The following OPRK1 variants were observed in gnomAD, a reference collection of about 807,000 sequenced individuals.
The protein encoded by OPRK1 is kappa-type opioid receptor.
In OPRK1, 15 loss-of-function variants were observed where a neutral mutation model predicts 24.5. The observed-to-expected ratio is 0.61, with a 90% confidence interval of 0.41 to 0.94. The LOEUF (loss-of-function observed/expected upper bound fraction) is 0.94, where lower values mean the gene tolerates loss of function less well. Ranked by LOEUF, OPRK1 falls within the 40% of genes least tolerant of loss-of-function variation. OPRK1 has a pLI of 0.00. For synonymous variants in OPRK1, 205 were observed against 198.0 expected, an observed-to-expected ratio of 1.04 and a Z score of -0.30; for missense variants, 479 against 507.3, an observed-to-expected ratio of 0.94 and a Z score of 0.54.
chr8:53,234,896 A>C lies in OPRK1; in HGVS notation c.473T>G (p.Ile158Ser). The C allele has an allele frequency of 6.2e-7, 1 of 1,614,214 alleles. No homozygotes were observed. The highest frequency in any genetic ancestry group is 8.5e-7 in the Non-Finnish European group (1 of 1,180,048). ...AGCCTTCACGGGGTGGCACACGGCAATGTAGCGGTCCACGCTCATCATGGT... is the reference window on the plus strand; with the variant it reads ...AGCCTTCACGGGGTGGCACACGGCACTGTAGCGGTCCACGCTCATCATGGT... ...TLTMMSVDRY[I>S]AVCHPVKALD... is the part of the protein sequence containing the mutation. Residue 158 changes from isoleucine (I) to serine (S), a missense_variant, in exon 3 of 4, where the codon ATT becomes AGT. Ile to Ser is a moderately radical substitution (Grantham distance 142). Coordinates refer to ENST00000265572, the MANE Select transcript of OPRK1 (RefSeq NM_000912.5).
intron 2 of OPRK1, among the ~76,000 whole-genome samples, chr8:53,237,577 ACTGGT>A (rs1807024034): frequency 6.6e-6 from 1 of 152,188 alleles, no homozygotes; most frequent in Non-Finnish European, 1.5e-5. Context: ...TGTGGTAGGT[ACTGGT>A]ATCCTTATTC....
Position 53,250,096 on chromosome 8 carries a change from CACACAA to C in OPRK1, c.257+679_257+684del, listed in dbSNP as rs1807335514. Reference sequence around the variant, plus strand: ...ACACACACACACACACACACACACACACACAAATAAAACCTTCAATTTCTCATGGTG... The same window carrying C: ...ACACACACACACACACACACACACACATAAAACCTTCAATTTCTCATGGTG... On this transcript the variant is annotated intron_variant, in intron 2 of 3. Transcript: ENST00000265572. Among the ~76,000 whole-genome samples, 4 of 151,508 alleles carry C rather than the reference CACACAA, an allele frequency of 2.6e-5. No homozygotes were observed. In the South Asian group the frequency reaches 8.3e-4, roughly 31 times the overall value.
intron 2 of OPRK1, among the ~76,000 whole-genome samples, chr8:53,235,509 A>G (rs535261230): frequency 1.0e-3 from 155 of 152,304 alleles, no homozygotes; most frequent in African/African-American, 3.6e-3. Flanking sequence ...CTTGTTTAAA[A>G]CATTTTTTTC....
chr8:53,227,139 T>C lies in OPRK1; in HGVS notation c.*2158A>G, dbSNP rs140284429. On this transcript the variant is annotated 3_prime_UTR_variant, in exon 4 of 4. Transcript: ENST00000265572. Reference sequence around the variant, plus strand: ...CGGGCTTGGCGGTGCACGCCTGTAATCCCAGCTACTTAGGAGGCAGAGGCA... The same window carrying C: ...CGGGCTTGGCGGTGCACGCCTGTAACCCCAGCTACTTAGGAGGCAGAGGCA... 2,117 of 152,144 alleles carry C rather than the reference T, an allele frequency of 0.014. 39 individuals carry two copies. The highest frequency in any genetic ancestry group is 0.047 in the African/African-American group (1,931 of 41,436). 9.4% of individuals were successfully genotyped at this position (152,144 alleles called of 1,614,324 possible). A position where few individuals can be genotyped will look rare whatever the true frequency, so the allele number is the denominator to read the frequency against.
At chr8:53,240,296 CA>C (rs1052375545) in intron 2 of OPRK1, among the ~76,000 whole-genome samples, 1 of 152,054 alleles carries the variant, frequency 6.6e-6, no homozygotes, top group Non-Finnish European at 1.5e-5. Flanking sequence ...AAAAAGGAAA[CA>C]AAACAAAACA....
At chr8:53,246,246 C>T (rs1807224529) in intron 2 of OPRK1, among the ~76,000 whole-genome samples, 1 of 152,206 alleles carries the variant, frequency 6.6e-6, no homozygotes, top group East Asian at 1.9e-4. Flanking sequence ...GCATGCCAGA[C>T]CCTCCACACA....
chr8:53,225,956 A>T lies in OPRK1; in HGVS notation c.*3341T>A, dbSNP rs1585622977. On this transcript the variant is annotated 3_prime_UTR_variant, in exon 4 of 4. Transcript: ENST00000265572. Reference sequence around the variant, plus strand: ...TCATCCGAACAGCTCTTGGTTAGAAAATAAATCTCATTGATAGGACACACA... The same window carrying T: ...TCATCCGAACAGCTCTTGGTTAGAATATAAATCTCATTGATAGGACACACA... The T allele has an allele frequency of 6.6e-6, 1 of 152,176 alleles. No individual in the cohort carries two copies. Among genetic ancestry groups the T allele is most frequent in the Non-Finnish European group, 1.5e-5 (1 of 68,046 alleles). The allele number at this position is 152,176 out of a possible 1,614,324, so 9.4% of individuals were successfully genotyped here. A position where few individuals can be genotyped will look rare whatever the true frequency, so the allele number is the denominator to read the frequency against.
intron 2 of OPRK1, among the ~76,000 whole-genome samples, chr8:53,237,366 GT>G (rs149064079): frequency 0.026 from 3,887 of 152,230 alleles, 144 homozygotes; most frequent in African/African-American, 0.089. Flanking sequence ...CTTGATTTTA[GT>G]TTTTCAAAAT....
At chr8:53,241,816 G>C (rs971913128) in intron 2 of OPRK1, among the ~76,000 whole-genome samples, 16 of 152,198 alleles carry the variant, frequency 1.1e-4, no homozygotes, top group Non-Finnish European at 1.2e-4. Context: ...CGCAGGTGCA[G>C]GCTACCCATG....
At chr8:53,238,402 A>T in intron 2 of OPRK1, 1 of 346,116 alleles carries the variant, frequency 2.9e-6, no homozygotes, top group Non-Finnish European at 4.1e-6. Context: ...AGCATATGGT[A>T]TGAAAAGAGC....
At chr8:53,237,434 A>G (rs1439025526) in intron 2 of OPRK1, among the ~76,000 whole-genome samples, 1 of 152,232 alleles carries the variant, frequency 6.6e-6, no homozygotes, top group Non-Finnish European at 1.5e-5. Flanking sequence ...AAAGAATTCA[A>G]ACTCCATCTG....
chr8:53,229,511 G>C lies in OPRK1; in HGVS notation c.929C>G (p.Ser310Cys). Residue 310 changes from serine (S) to cysteine (C), a missense_variant, in exon 4 of 4, where the codon TCC (serine) becomes TGC (cysteine). By Grantham distance (112) the Ser-to-Cys change is moderately radical. Transcript: ENST00000265572. ...TAAGGCGATGCAGAAGTAATAGCTG[G>C]AGAGAGCAGCTGTGCTGTGGGAGGT... ...GSTSHSTAAL[S>C]SYYFCIALGY... is the part of the protein sequence containing the mutation. 2 of 1,614,222 alleles carry C rather than the reference G, an allele frequency of 1.2e-6. No homozygotes were observed. The highest frequency in any genetic ancestry group is 1.7e-5 in the Admixed American group (1 of 60,034).
Position 53,238,619 on chromosome 8 carries a change from C to G in OPRK1, c.258-3508G>C, listed in dbSNP as rs1007661740. On this transcript the variant is annotated intron_variant, in intron 2 of 3. Coordinates refer to ENST00000265572, the MANE Select transcript of OPRK1 (RefSeq NM_000912.5). The stretch of plus-strand genomic sequence containing the variant: ...GAAATGCTCCCCAGTGACACTTTAA[C>G]TCAAGACCATCCTAGCGTACTTCTC... 38 of 985,468 alleles carry G rather than the reference C, an allele frequency of 3.9e-5. No individual in the cohort carries two copies. In the Middle Eastern group the frequency reaches 2.1e-3, roughly 54 times the overall value. 61.0% of individuals were successfully genotyped at this position (985,468 alleles called of 1,614,324 possible).
rs779364012 is a variant in OPRK1 at position 53,234,840 on chromosome 8, T to G, written c.529A>C (p.Ile177Leu). ...AGCAGCCAGATGCAGATATTGATGATCTTTGCCTTCAAGGGTGTGCGGAAG... is the reference window on the plus strand; with the variant it reads ...AGCAGCCAGATGCAGATATTGATGAGCTTTGCCTTCAAGGGTGTGCGGAAG... ...LDFRTPLKAK[I>L]INICIWLLSS... The change falls in exon 3 of 4, where the codon ATC (isoleucine) becomes CTC (leucine). Residue 177 changes from isoleucine (I) to leucine (L), a missense_variant. Physicochemically the swap from Ile to Leu is conservative, Grantham distance 5. Transcript: ENST00000265572. The G allele has an allele frequency of 6.2e-7, 1 of 1,614,070 alleles. No individual in the cohort carries two copies. The highest frequency in any genetic ancestry group is 8.5e-7 in the Non-Finnish European group (1 of 1,180,048).
rs771921471 is a variant in OPRK1 at position 53,234,879 on chromosome 8, C to T, written c.490G>A (p.Val164Met). ...VDRYIAVCHP[V>M]KALDFRTPLK... is the part of the protein sequence containing the mutation. ...GGTGTGCGGAAGTCCAAAGCCTTCACGGGGTGGCACACGGCAATGTAGCGG... is the reference window on the plus strand; with the variant it reads ...GGTGTGCGGAAGTCCAAAGCCTTCATGGGGTGGCACACGGCAATGTAGCGG... Residue 164 changes from valine (V) to methionine (M), a missense_variant, in exon 3 of 4, where the codon GTG becomes ATG. Val to Met is a conservative substitution (Grantham distance 21, BLOSUM62 1). Transcript: ENST00000265572. The T allele has an allele frequency of 2.0e-5, 33 of 1,614,008 alleles. No homozygotes were observed. Among genetic ancestry groups the T allele is most frequent in the Non-Finnish European group, 2.6e-5 (31 of 1,180,030 alleles).
intron 3 of OPRK1, 146 bp downstream of exon 3, chr8:53,234,613 C>T (rs547672118): frequency 2.8e-5 from 19 of 669,990 alleles, no homozygotes; most frequent in South Asian, 2.8e-4. Context: ...TGTTCTACTT[C>T]TCATCTTCCA....
intron 2 of OPRK1, among the ~76,000 whole-genome samples, chr8:53,250,102 A>ACACACACACACACACAC (rs370445740): frequency 6.9e-6 from 1 of 144,660 alleles, no homozygotes. Flanking sequence ...CACACACACA[A>ACACACACACACACACAC]ATAAAACCTT....
intron 2 of OPRK1, among the ~76,000 whole-genome samples, chr8:53,245,916 T>C (rs927698246): frequency 8.5e-5 from 13 of 152,146 alleles, no homozygotes; most frequent in Non-Finnish European, 1.6e-4. Context: ...AAGAAGAAAT[T>C]CTGCCTGGAG....
intron 3 of OPRK1, among the ~76,000 whole-genome samples, chr8:53,231,884 C>A (rs571175411): frequency 6.6e-6 from 1 of 152,256 alleles, no homozygotes; most frequent in Admixed American, 6.5e-5. Flanking sequence ...ACCTTTAACT[C>A]CGAGGCTCAG....
Sources: allele counts gnomAD v4.1 joint callset (sites outside exome capture counted in the v4.1 genomes callset), GRCh38; gene constraint gnomAD v4.1.1; transcripts MANE v1.5; gene names NCBI Gene and HGNC (gene_info 2026-07-23, HGNC 2026-07-21).